The following SYT14 variants were observed in gnomAD, a reference collection of about 807,000 sequenced individuals.
SYT14 encodes synaptotagmin 14.
A neutral mutation model predicts 74.2 loss-of-function variants in SYT14; 32 were observed. That is an observed-to-expected ratio of 0.43 (90% CI 0.33 to 0.58). The LOEUF is 0.58. SYT14 is among the 20% of genes least tolerant of loss of function. SYT14 has a pLI of 0.05. For synonymous variants in SYT14, 298 were observed against 337.7 expected, an observed-to-expected ratio of 0.88 and a Z score of 1.29; for missense variants, 791 against 981.8, an observed-to-expected ratio of 0.81 and a Z score of 2.60.
chr1:210,153,505 A>C (rs2083209143), intron 7 of SYT14, among the ~76,000 whole-genome samples: 1 of 152,152 alleles, frequency 6.6e-6, no homozygotes, highest in Non-Finnish European at 1.5e-5. Flanking sequence ...CATTTGTTAC[A>C]TTTATTCCTA....
intron 5 of SYT14, among the ~76,000 whole-genome samples, chr1:210,076,065 T>C (rs1453232896): frequency 6.6e-6 from 1 of 152,210 alleles, no homozygotes; most frequent in Non-Finnish European, 1.5e-5. Context: ...GATTTGCTAC[T>C]TCATTTATCC....
At chr1:210,147,383 C>T (rs184154649) in intron 7 of SYT14, among the ~76,000 whole-genome samples, 19 of 152,154 alleles carry the variant, frequency 1.2e-4, no homozygotes, top group Non-Finnish European at 1.9e-4. Flanking sequence ...ATACATAGAT[C>T]ATCAGATTGA....
chr1:210,087,595 CT>C (rs929189542), intron 5 of SYT14, among the ~76,000 whole-genome samples: 1 of 152,070 alleles, frequency 6.6e-6, no homozygotes, highest in African/African-American at 2.4e-5. Flanking sequence ...TCAGCATGCT[CT>C]GTAGGACTGC....
chr1:210,139,551 T>A (rs1394509371), intron 7 of SYT14, among the ~76,000 whole-genome samples: 1 of 152,126 alleles, frequency 6.6e-6, no homozygotes, highest in Non-Finnish European at 1.5e-5. Flanking sequence ...AAGTCATGAT[T>A]TTTAGAATAT....
chr1:210,003,144 T>A (rs1389518117), intron 2 of SYT14, among the ~76,000 whole-genome samples: 1 of 152,160 alleles, frequency 6.6e-6, no homozygotes, highest in Non-Finnish European at 1.5e-5. Context: ...ATATCCTCGA[T>A]TTTCCAAGCA....
chr1:210,010,295 C>T (rs2080063034), intron 2 of SYT14, among the ~76,000 whole-genome samples: 2 of 152,082 alleles, frequency 1.3e-5, no homozygotes, highest in Admixed American at 1.3e-4. Context: ...AATACACATA[C>T]ATTCATTCAT....
At chr1:209,971,927 C>T (rs1270718772) in intron 2 of SYT14, among the ~76,000 whole-genome samples, 1 of 152,008 alleles carries the variant, frequency 6.6e-6, no homozygotes, top group Admixed American at 6.5e-5. Flanking sequence ...AGTCCCTCCT[C>T]CTTGTTTTTC....
exon 10 of SYT14, chr1:210,161,191 G>C (rs775178368): frequency 1.2e-6 from 1 of 841,372 alleles, no homozygotes; most frequent in Non-Finnish European, 2.0e-6. Context: ...TGGAAAGAAC[G>C]TCTCATACTG....
intron 7 of SYT14, among the ~76,000 whole-genome samples, chr1:210,150,178 T>A (rs147025604): frequency 4.3e-4 from 66 of 152,244 alleles, no homozygotes; most frequent in African/African-American, 1.5e-3. Flanking sequence ...GAGGGAAAAG[T>A]CTGCCAAAGA....
chr1:210,149,615 A>G (rs1558223638), intron 7 of SYT14, among the ~76,000 whole-genome samples: 2 of 152,206 alleles, frequency 1.3e-5, no homozygotes, highest in Admixed American at 1.3e-4. Flanking sequence ...AATCTTAGAT[A>G]TGTTAATTTT....
intron 5 of SYT14, among the ~76,000 whole-genome samples, chr1:210,050,401 A>T (rs2102375545): frequency 6.6e-6 from 1 of 152,260 alleles, no homozygotes; most frequent in South Asian, 2.1e-4. Context: ...GCCATTCAAC[A>T]AGTCTATAGG....
intron 2 of SYT14, among the ~76,000 whole-genome samples, chr1:209,958,369 G>C (rs1482123342): frequency 3.3e-5 from 5 of 151,260 alleles, no homozygotes; most frequent in Non-Finnish European, 7.4e-5. Context: ...GCTATTTCTG[G>C]GCCTTTGATT....
rs375117515 is a variant in SYT14, at chr1:210,004,415, ATACC to A, written c.-485-9215_-485-9212del. 7.8e-3 allele frequency among the ~76,000 whole-genome samples: 1,193 copies of A among 152,140 alleles called. 20 individuals carry two copies. Among genetic ancestry groups the A allele is most frequent in the African/African-American group, 0.027 (1,141 of 41,554 alleles). ...AACACGGGTTTATATATCTCCCAAAATACCTAACTAAGATGGATACCACTGAAAG... is the reference window on the plus strand; with the variant it reads ...AACACGGGTTTATATATCTCCCAAAATAACTAAGATGGATACCACTGAAAG... On this transcript the variant is annotated intron_variant, in intron 2 of 9. Transcript: ENST00000637265.
chr1:210,164,458 A>T (rs934332684), exon 10 of SYT14: 1 of 168,192 alleles, frequency 5.9e-6, no homozygotes, highest in African/African-American at 2.4e-5. Flanking sequence ...AGTGAATCAG[A>T]AGCATAATCA....
At chr1:210,124,995 G>A (rs2082539578) in intron 7 of SYT14, among the ~76,000 whole-genome samples, 1 of 152,068 alleles carries the variant, frequency 6.6e-6, no homozygotes, top group African/African-American at 2.4e-5. Context: ...GAAGGCAGAG[G>A]CCATTTTCTT....
chr1:210,029,471 A>T (rs890244146), intron 5 of SYT14, among the ~76,000 whole-genome samples: 2 of 152,080 alleles, frequency 1.3e-5, no homozygotes, highest in African/African-American at 4.8e-5. Flanking sequence ...GTTCATTTTC[A>T]TTCTTTTACA....
chr1:210,034,326 C>A (rs1266518976), intron 5 of SYT14, among the ~76,000 whole-genome samples: 2 of 151,650 alleles, frequency 1.3e-5, no homozygotes, highest in Non-Finnish European at 3.0e-5. Flanking sequence ...AGAAAATGTT[C>A]TTTTGTGTAA....
Position 210,068,951 on chromosome 1 carries a change from G to A in SYT14, c.1313-25371G>A, listed in dbSNP as rs138396390. Among the ~76,000 whole-genome samples, 444 of 151,714 alleles carry A rather than the reference G, an allele frequency of 2.9e-3. 2 individuals carry two copies. The highest frequency in any genetic ancestry group is 9.9e-3 in the African/African-American group (409 of 41,460). Reference sequence around the variant, plus strand: ...TTCCTTTTAAAATACCATTTCAGTTGTATCCAACACATTTTAATATGCAAT... The same window carrying A: ...TTCCTTTTAAAATACCATTTCAGTTATATCCAACACATTTTAATATGCAAT... On this transcript the variant is annotated intron_variant, in intron 5 of 9. Transcript: ENST00000637265.
In SYT14 at chr1:210,155,822, C is replaced by A. The variant is rs1279840215; in HGVS notation, c.2136C>A (p.Gly712=). The A allele has an allele frequency of 5.0e-6, 8 of 1,614,072 alleles. No individual in the cohort carries two copies. The East Asian group carries it at 6.7e-5, about 13-fold the overall frequency. Residue 712 remains glycine (G), a synonymous_variant, in exon 8 of 10, where the codon GGC becomes GGA. Transcript: ENST00000637265. Reference sequence around the variant, plus strand: ...GCTCAGTTCCAGAAATTCTTATTGGCCTGCTTTATAATGCCACAACTGGAA... The same window carrying A: ...GCTCAGTTCCAGAAATTCTTATTGGACTGCTTTATAATGCCACAACTGGAA...
Sources: gnomAD v4.1 joint callset for allele counts (sites outside exome capture counted in the v4.1 genomes callset) on GRCh38, gnomAD v4.1.1 for gene constraint, MANE v1.5 for transcripts, NCBI Gene and HGNC (gene_info 2026-07-23, HGNC 2026-07-21) for gene names.